Variants in LYN observed in about 807,000 individuals in gnomAD.
LYN encodes the protein tyrosine-protein kinase Lyn.
LYN carries 12 observed loss-of-function variants against 65.0 expected under a neutral mutation model. That is an observed-to-expected ratio of 0.18 (90% confidence interval 0.12 to 0.30). The LOEUF (loss-of-function observed/expected upper bound fraction) is 0.30, where lower values mean the gene tolerates loss of function less well. Among genes scored for constraint, LYN ranks in the 10% least tolerant of loss-of-function variants. The probability of loss-of-function intolerance (pLI) is 1.00; values close to 1 mark genes in which losing one functional copy is unlikely to be tolerated. For synonymous variants in LYN, 222 were observed against 221.2 expected, an observed-to-expected ratio of 1.00 and a Z score of -0.03; for missense variants, 380 against 623.2, an observed-to-expected ratio of 0.61 and a Z score of 4.16.
At chr8:55,915,860 G>A (rs1805767473) in intron 1 of LYN, among the ~76,000 whole-genome samples, 1 of 152,020 alleles carries the variant, frequency 6.6e-6, no homozygotes, top group Non-Finnish European at 1.5e-5. Flanking sequence ...GGATAAGAGA[G>A]AACAAAGATG....
At chr8:55,945,785 C>G (rs1806759240) in intron 2 of LYN, among the ~76,000 whole-genome samples, 2 of 152,326 alleles carry the variant, frequency 1.3e-5, no homozygotes, top group South Asian at 4.1e-4. Context: ...GAGTCAGGGT[C>G]AGCCCAAGAA....
chr8:55,950,854 T>A, intron 6 of LYN, 70 bp downstream of exon 6: 3 of 1,140,036 alleles, frequency 2.6e-6, no homozygotes, highest in Admixed American at 3.7e-5. Flanking sequence ...ATTCTAGAGC[T>A]ACTCAAGGGG....
intron 3 of LYN, among the ~76,000 whole-genome samples, chr8:55,947,054 C>A (rs1385093539): frequency 6.6e-6 from 1 of 152,180 alleles, no homozygotes; most frequent in Non-Finnish European, 1.5e-5. Flanking sequence ...TCGAGACCAG[C>A]CTGGTCAACA....
intron 1 of LYN, among the ~76,000 whole-genome samples, chr8:55,922,389 T>A (rs540197319): frequency 6.6e-6 from 1 of 151,700 alleles, no homozygotes; most frequent in East Asian, 2.0e-4. Flanking sequence ...CACACCTGGC[T>A]GACATCACAA....
At chr8:55,908,510 G>A (rs189746351) in intron 1 of LYN, among the ~76,000 whole-genome samples, 183 of 152,226 alleles carry the variant, frequency 1.2e-3, no homozygotes, top group African/African-American at 4.2e-3. Flanking sequence ...CTCCCAAAGT[G>A]TTGGGATTCC....
At chr8:55,998,275 C>T (rs573348725) in intron 10 of LYN, 71 bp from the exon 11 acceptor site, 33 of 1,245,806 alleles carry the variant, frequency 2.6e-5, no homozygotes, top group South Asian at 6.4e-5. Flanking sequence ...ATAAGTTTTC[C>T]GGTTTTCCTT....
chr8:55,978,256 C>T (rs994840951), intron 10 of LYN, among the ~76,000 whole-genome samples: 4 of 152,038 alleles, frequency 2.6e-5, no homozygotes, highest in Non-Finnish European at 5.9e-5. Flanking sequence ...CCCCAGCCAC[C>T]GTATACAAAA....
intron 8 of LYN, among the ~76,000 whole-genome samples, chr8:55,962,172 TG>T (rs1235510204): frequency 2.0e-5 from 3 of 152,160 alleles, no homozygotes; most frequent in Non-Finnish European, 4.4e-5. Context: ...ATGTGGCTTT[TG>T]GGTATGGCTA....
intron 1 of LYN, among the ~76,000 whole-genome samples, chr8:55,881,511 GAGGTAAGC>G (rs1190893651): frequency 6.6e-6 from 1 of 152,198 alleles, no homozygotes; most frequent in African/African-American, 2.4e-5. Context: ...TTCTCATTTG[GAGGTAAGC>G]AGGTAAGCGC....
chr8:55,997,609 T>C (rs1230894428), intron 10 of LYN, among the ~76,000 whole-genome samples: 1 of 152,120 alleles, frequency 6.6e-6, no homozygotes, highest in Non-Finnish European at 1.5e-5. Flanking sequence ...TGCCTCCTAA[T>C]ACTATTGCCT....
chr8:55,911,285 A>ATATAT (rs1356941100), intron 1 of LYN, among the ~76,000 whole-genome samples: 2 of 27,784 alleles, frequency 7.2e-5, no homozygotes. Flanking sequence ...ATATATATAT[A>ATATAT]TTTTTTTTTT....
rs556980946 is a variant in LYN at position 55,931,670 on chromosome 8, A to C, written c.-5-10185A>C. Among the ~76,000 whole-genome samples, 21 of 152,120 alleles carry C rather than the reference A, an allele frequency of 1.4e-4. No individual in the cohort carries two copies. In the East Asian group the frequency reaches 3.9e-3, roughly 28 times the overall value. On this transcript the variant is annotated intron_variant, in intron 1 of 12. Transcript: ENST00000519728. Reference sequence around the variant, plus strand: ...ATTTTTTCACTTAAATATATTGTGAATATCTTTTTATGTCAATAAATATAT... The same window carrying C: ...ATTTTTTCACTTAAATATATTGTGACTATCTTTTTATGTCAATAAATATAT...
chr8:55,967,113 A>T (rs1246061171), intron 9 of LYN, among the ~76,000 whole-genome samples: 1 of 151,618 alleles, frequency 6.6e-6, no homozygotes, highest in East Asian at 1.9e-4. Context: ...TTTTCTCTGC[A>T]TCTGCCTGCG....
At chr8:55,976,928 T>C (rs941221549) in intron 10 of LYN, among the ~76,000 whole-genome samples, 10 of 152,218 alleles carry the variant, frequency 6.6e-5, no homozygotes, top group African/African-American at 2.4e-4. Context: ...CTCATGGCTG[T>C]AATCCCAGCA....
At chr8:55,946,882 C>T (rs1446216102) in intron 3 of LYN, among the ~76,000 whole-genome samples, 1 of 152,206 alleles carries the variant, frequency 6.6e-6, no homozygotes, top group Non-Finnish European at 1.5e-5. Context: ...GCCTGATGTC[C>T]TCAAGGTTCA....
chr8:55,888,651 A>G (rs1455450568), intron 1 of LYN, among the ~76,000 whole-genome samples: 1 of 152,178 alleles, frequency 6.6e-6, no homozygotes, highest in Admixed American at 6.5e-5. Flanking sequence ...TCAGCTTGTA[A>G]TCGTCATCTG....
chr8:55,945,653 G>T (rs1806753784), intron 2 of LYN, among the ~76,000 whole-genome samples: 1 of 152,200 alleles, frequency 6.6e-6, no homozygotes, highest in Non-Finnish European at 1.5e-5. Flanking sequence ...GCCTCATGTG[G>T]CACTGTGAAG....
At chr8:55,983,603 A>G (rs1807991756) in intron 10 of LYN, among the ~76,000 whole-genome samples, 1 of 147,042 alleles carries the variant, frequency 6.8e-6, no homozygotes, top group Admixed American at 6.9e-5. Flanking sequence ...CCCTCAGGAC[A>G]CTACATCCAA....
At chr8:55,929,091 CA>C (rs1806191388) in intron 1 of LYN, among the ~76,000 whole-genome samples, 1 of 152,108 alleles carries the variant, frequency 6.6e-6, no homozygotes, top group Non-Finnish European at 1.5e-5. Context: ...TTTGAAAGAT[CA>C]GTTGACTATA....
Sources: allele counts gnomAD v4.1 joint callset (sites outside exome capture counted in the v4.1 genomes callset), GRCh38; gene constraint gnomAD v4.1.1; transcripts MANE v1.5; gene names NCBI Gene and HGNC (gene_info 2026-07-23, HGNC 2026-07-21).